Variants in MECOM observed in about 807,000 individuals in gnomAD.
The protein encoded by MECOM is MDS1 and EVI1 complex locus, also known as histone-lysine N-methyltransferase MECOM.
Under a neutral mutation model 116.3 loss-of-function variants are expected in MECOM, and 13 were observed. The ratio of observed to expected loss-of-function variants is 0.11; its 90% CI spans 0.07 to 0.18. The LOEUF (loss-of-function observed/expected upper bound fraction) is 0.18. MECOM is among the 10% of genes least tolerant of loss of function. MECOM has a pLI of 1.00. For synonymous variants in MECOM, 528 were observed against 535.2 expected (o/e 0.99, Z 0.19); for missense variants, 1,299 against 1,509.0 (o/e 0.86, Z 2.31).
rs529453401 is a variant in MECOM at position 169,224,051 on chromosome 3, G to A, written c.376-80219C>T. Among the ~76,000 whole-genome samples, 3 of 152,280 alleles carry A rather than the reference G, an allele frequency of 2.0e-5. No homozygotes were observed. The East Asian group carries it at 5.8e-4, about 29-fold the overall frequency. On this transcript the variant is annotated intron_variant, in intron 2 of 16. Coordinates refer to ENST00000651503, the MANE Select transcript of MECOM (RefSeq NM_004991.4). ...TACTCTAGTTGACTACCGTGCCCTAGGTTTTTTCTATGCCCCACTGACGGG... is the reference window on the plus strand; with the variant it reads ...TACTCTAGTTGACTACCGTGCCCTAAGTTTTTTCTATGCCCCACTGACGGG...
At chr3:169,124,560 A>G (rs1732176419) in intron 5 of MECOM, among the ~76,000 whole-genome samples, 1 of 151,960 alleles carries the variant, frequency 6.6e-6, no homozygotes. Flanking sequence ...TGATAATATT[A>G]AGAAATTATT....
chr3:169,542,012 GA>G (rs1760124190), intron 1 of MECOM, among the ~76,000 whole-genome samples: 1 of 152,106 alleles, frequency 6.6e-6, no homozygotes, highest in Non-Finnish European at 1.5e-5. Context: ...TTACTAGAAG[GA>G]TTATATAAAA....
At chr3:169,384,308 A>G (rs1473046725) in intron 1 of MECOM, among the ~76,000 whole-genome samples, 7 of 152,214 alleles carry the variant, frequency 4.6e-5, no homozygotes, top group Non-Finnish European at 8.8e-5. Flanking sequence ...TAGAAATAGA[A>G]CATGATGAAT....
intron 2 of MECOM, among the ~76,000 whole-genome samples, chr3:169,344,856 C>G (rs1459156100): frequency 6.6e-6 from 1 of 152,136 alleles, no homozygotes; most frequent in Non-Finnish European, 1.5e-5. Context: ...ATCCCTTCAC[C>G]TGTATTAAAG....
chr3:169,240,901 G>A (rs1014346581), intron 2 of MECOM, among the ~76,000 whole-genome samples: 5 of 152,170 alleles, frequency 3.3e-5, no homozygotes, highest in African/African-American at 1.2e-4. Context: ...GGCTTAAACA[G>A]TAAGCACAAA....
At chr3:169,607,713 A>G (rs956605259) in intron 1 of MECOM, among the ~76,000 whole-genome samples, 3 of 152,264 alleles carry the variant, frequency 2.0e-5, no homozygotes, top group Non-Finnish European at 4.4e-5. Flanking sequence ...TTTATGAAAT[A>G]GCATTACTGA....
rs577131469 is a variant in MECOM at position 169,350,176 on chromosome 3, C to A, written c.375+31011G>T. Among the ~76,000 whole-genome samples the A allele has an allele frequency of 3.3e-5, 5 of 152,018 alleles. No individual in the cohort carries two copies. The South Asian group carries it at 1.0e-3, about 32-fold the overall frequency. On this transcript the variant is annotated intron_variant, in intron 2 of 16. Coordinates refer to ENST00000651503, the MANE Select transcript of MECOM (RefSeq NM_004991.4). ...TGGTTTTGTGCTTGTTATTCTCTTA[C>A]ACTTCACATGTCAACACCTTTACAT...
rs567173912 is a variant in MECOM at position 169,107,251 on chromosome 3, T to C, written c.2604+675A>G. On this transcript the variant is annotated intron_variant, in intron 10 of 16. Transcript: ENST00000651503. ...GTTATTTCCACTGACCAGGTTTTAT[T>C]TGGGGGTAAAAACTAAATAAGCAGT... 9.7e-4 allele frequency among the ~76,000 whole-genome samples: 147 copies of C among 152,264 alleles called. 1 individual carries two copies. Among genetic ancestry groups the C allele is most frequent in the African/African-American group, 3.4e-3 (140 of 41,560 alleles).
At chr3:169,296,119 C>G (rs1310002570) in intron 2 of MECOM, among the ~76,000 whole-genome samples, 1 of 152,208 alleles carries the variant, frequency 6.6e-6, no homozygotes, top group Non-Finnish European at 1.5e-5. Flanking sequence ...TCACCATTCT[C>G]AAGTCACTTT....
At chr3:169,626,417 C>T (rs1235021662) in intron 1 of MECOM, among the ~76,000 whole-genome samples, 6 of 152,178 alleles carry the variant, frequency 3.9e-5, no homozygotes, top group Non-Finnish European at 1.5e-5. Flanking sequence ...GATACATTTG[C>T]CCTCAAAGTA....
intron 1 of MECOM, among the ~76,000 whole-genome samples, chr3:169,576,813 A>G (rs1764548414): frequency 8.6e-6 from 1 of 116,714 alleles, no homozygotes; most frequent in East Asian, 2.6e-4. Flanking sequence ...ACACACACAC[A>G]CACACACACA....
At chr3:169,103,996 A>T (rs1239763462) in intron 10 of MECOM, among the ~76,000 whole-genome samples, 1 of 152,166 alleles carries the variant, frequency 6.6e-6, no homozygotes, top group Non-Finnish European at 1.5e-5. Flanking sequence ...TTCATCAAAC[A>T]CGGTACAAAA....
intron 1 of MECOM, chr3:169,484,149 A>G (rs1425403511): frequency 5.7e-6 from 4 of 698,186 alleles, no homozygotes; most frequent in East Asian, 2.7e-5. Context: ...TTATCTCACA[A>G]TTCAACATTT....
intron 3 of MECOM, chr3:169,131,740 C>A (rs1734786682): frequency 3.2e-6 from 2 of 628,712 alleles, no homozygotes; most frequent in Non-Finnish European, 5.0e-6. Context: ...GACTCTCAAG[C>A]CAGTTCACAA....
chr3:169,535,728 T>A (rs1759274476), intron 1 of MECOM, among the ~76,000 whole-genome samples: 1 of 152,238 alleles, frequency 6.6e-6, no homozygotes, highest in African/African-American at 2.4e-5. Flanking sequence ...TCTGCTTTGG[T>A]CACTGCTTTA....
chr3:169,102,358 C>G (rs940712230), intron 10 of MECOM, 132 bp from the exon 11 acceptor site: 3 of 642,582 alleles, frequency 4.7e-6, no homozygotes, highest in Non-Finnish European at 7.3e-6. Flanking sequence ...ACTGTAGTAT[C>G]CCAATATTAA....
chr3:169,239,763 A>G (rs1754551613), intron 2 of MECOM, among the ~76,000 whole-genome samples: 2 of 152,322 alleles, frequency 1.3e-5, no homozygotes, highest in African/African-American at 2.4e-5. Flanking sequence ...AAAAATTACA[A>G]GGAAATTAGT....
intron 2 of MECOM, among the ~76,000 whole-genome samples, chr3:169,177,701 T>G (rs6775218): frequency 0.099 from 15,012 of 151,994 alleles, 806 homozygotes; most frequent in South Asian, 0.22. Flanking sequence ...CAGATTACCT[T>G]AGGTCAGGAG....
chr3:169,370,813 C>T (rs140396471), intron 2 of MECOM, among the ~76,000 whole-genome samples: 46 of 151,766 alleles, frequency 3.0e-4, no homozygotes, highest in Non-Finnish European at 5.5e-4. Flanking sequence ...ATCATGGAAA[C>T]GCAAATCAAA....
Sources: allele counts gnomAD v4.1 joint callset (sites outside exome capture counted in the v4.1 genomes callset), GRCh38; gene constraint gnomAD v4.1.1; transcripts MANE v1.5; gene names NCBI Gene and HGNC (gene_info 2026-07-23, HGNC 2026-07-21).